MSL2: variants seen among roughly 807,000 people sequenced by gnomAD.
MSL2 encodes MSL complex subunit 2, also known as E3 ubiquitin-protein ligase MSL2.
MSL2 carries 2 observed loss-of-function variants against 35.8 expected under a neutral mutation model. That is an observed-to-expected ratio of 0.06 (90% CI 0.02 to 0.18). The LOEUF is 0.18. Among genes scored for constraint, MSL2 ranks in the 10% least tolerant of loss-of-function variants. The pLI is 1.00. For synonymous variants in MSL2, 296 were observed against 255.7 expected, an observed-to-expected ratio of 1.16 and a Z score of -1.50; for missense variants, 523 against 706.7, an observed-to-expected ratio of 0.74 and a Z score of 2.95.
chr3:136,194,385 A>G (rs982304467), intron 1 of MSL2: 3 of 983,252 alleles, frequency 3.1e-6, no homozygotes, highest in African/African-American at 1.7e-5. Context: ...GTGGTAAGTA[A>G]AAGTCTCACC....
At chr3:136,154,956 TC>T (rs1272767018) in intron 1 of MSL2, among the ~76,000 whole-genome samples, 3 of 152,100 alleles carry the variant, frequency 2.0e-5, no homozygotes, top group Non-Finnish European at 4.4e-5. Context: ...CAACTGCAAA[TC>T]CCAGCACTTT....
intron 1 of MSL2, among the ~76,000 whole-genome samples, chr3:136,160,486 G>A (rs547658494): frequency 4.7e-5 from 7 of 149,848 alleles, no homozygotes; most frequent in South Asian, 2.1e-4. Context: ...TCGGAAGGCC[G>A]AGGCGGGCAG....
At chr3:136,158,548 G>A (rs1170132549) in intron 1 of MSL2, among the ~76,000 whole-genome samples, 2 of 152,002 alleles carry the variant, frequency 1.3e-5, no homozygotes, top group African/African-American at 2.4e-5. Flanking sequence ...CCAAAGATCA[G>A]GAACAAGGAA....
In MSL2 at chr3:136,172,411, C is replaced by A. The variant is rs145878741; in HGVS notation, c.143-19673G>T. ...ATACCTAATGTTATTTATACCCTCT[C>A]TCTCACTTCCACCTTCAACCTTCCT... is the stretch of plus-strand genomic sequence containing the variant. On this transcript the variant is annotated intron_variant, in intron 1 of 1. Transcript: ENST00000309993. Among the ~76,000 whole-genome samples the A allele has an allele frequency of 1.6e-3, 238 of 152,250 alleles. 1 individual carries two copies. Among genetic ancestry groups the A allele is most frequent in the African/African-American group, 5.3e-3 (221 of 41,542 alleles).
At chr3:136,168,007 C>G (rs1460360931) in intron 1 of MSL2, among the ~76,000 whole-genome samples, 1 of 152,082 alleles carries the variant, frequency 6.6e-6, no homozygotes, top group East Asian at 1.9e-4. Flanking sequence ...TGCTTTACAT[C>G]AGAGCCTAAA....
chr3:136,177,288 T>C (rs1940203330), intron 1 of MSL2, among the ~76,000 whole-genome samples: 1 of 152,242 alleles, frequency 6.6e-6, no homozygotes, highest in African/African-American at 2.4e-5. Context: ...CTTTAAAATA[T>C]CTAGCACAAA....
chr3:136,195,089 G>C lies in MSL2; in HGVS notation c.25C>G (p.Leu9Val). 1 of 1,613,058 alleles carries C rather than the reference G, an allele frequency of 6.2e-7. No individual in the cohort carries two copies. Among genetic ancestry groups the C allele is most frequent in the Non-Finnish European group, 8.5e-7 (1 of 1,179,746 alleles). ...ACTAGGCGGCTCGCGGAAATGTAGAGAGCAGTAGCATTCACGGGGTTCATT... is the reference window on the plus strand; with the variant it reads ...ACTAGGCGGCTCGCGGAAATGTAGACAGCAGTAGCATTCACGGGGTTCATT... MNPVNATA[L>V]YISASRLVLN... The change falls in exon 1 of 2, where the codon CTC becomes GTC. Residue 9 changes from leucine to valine, a missense_variant. Leu to Val is a conservative substitution (Grantham distance 32). Coordinates refer to ENST00000309993, the MANE Select transcript of MSL2 (RefSeq NM_018133.4).
At chr3:136,180,028 G>A (rs1940294555) in intron 1 of MSL2, among the ~76,000 whole-genome samples, 1 of 151,930 alleles carries the variant, frequency 6.6e-6, no homozygotes, top group African/African-American at 2.4e-5. Flanking sequence ...TCCCTCCACT[G>A]CACTCCAGCT....
At chr3:136,157,380 T>C (rs1939564860) in intron 1 of MSL2, among the ~76,000 whole-genome samples, 1 of 152,138 alleles carries the variant, frequency 6.6e-6, no homozygotes, top group South Asian at 2.1e-4. Flanking sequence ...GGTGAACACC[T>C]GTAATCCCAG....
chr3:136,186,418 A>G (rs1460804122), intron 1 of MSL2, among the ~76,000 whole-genome samples: 1 of 152,216 alleles, frequency 6.6e-6, no homozygotes, highest in African/African-American at 2.4e-5. Context: ...GGTTATGGAC[A>G]GGCTCCGGTC....
rs551470437 is a variant in MSL2, at chr3:136,190,890, G to C, written c.142+4082C>G. ...CAGTTTCTGTGGCCTAGAAAGTACAGTAATTCTCTACAGCAAGGCTATCCC... is the reference window on the plus strand; with the variant it reads ...CAGTTTCTGTGGCCTAGAAAGTACACTAATTCTCTACAGCAAGGCTATCCC... On this transcript the variant is annotated intron_variant, in intron 1 of 1. Coordinates refer to ENST00000309993, the MANE Select transcript of MSL2 (RefSeq NM_018133.4). Among the ~76,000 whole-genome samples, 191 of 152,300 alleles carry C rather than the reference G, an allele frequency of 1.3e-3. 2 individuals are homozygous for C. Among genetic ancestry groups the C allele is most frequent in the Non-Finnish European group, 2.1e-3 (145 of 68,036 alleles).
intron 1 of MSL2, among the ~76,000 whole-genome samples, chr3:136,193,266 T>A (rs1414564995): frequency 6.6e-6 from 1 of 152,280 alleles, no homozygotes; most frequent in Non-Finnish European, 1.5e-5. Flanking sequence ...TTAAAACCTC[T>A]GAGGTTCTTA....
At position 136,152,679 on chromosome 3, in the gene MSL2, T is replaced by A. The variant is rs1378733580; in HGVS notation, c.202A>T (p.Lys68Ter). Residue 68 changes from lysine to a stop codon, truncating the protein, a stop_gained, in exon 2 of 2, where the codon AAA (lysine) becomes TAA (stop). Transcript: ENST00000309993. LOFTEE classifies it high-confidence loss of function. ...ATCATTTTCTTGCCTTTACAAGTTTTGCAGACATAATGTTGGCAGGTGGAG... is the reference window on the plus strand; with the variant it reads ...ATCATTTTCTTGCCTTTACAAGTTTAGCAGACATAATGTTGGCAGGTGGAG... ...TNSTCQHYVCKTCKGKKMMMK... is the reference protein window; with the variant it reads ...TNSTCQHYVC The A allele has an allele frequency of 6.2e-7, 1 of 1,614,226 alleles. No individual in the cohort carries two copies. Among genetic ancestry groups the A allele is most frequent in the Non-Finnish European group, 8.5e-7 (1 of 1,180,044 alleles).
At chr3:136,184,259 G>A (rs1940448009) in intron 1 of MSL2, among the ~76,000 whole-genome samples, 1 of 151,970 alleles carries the variant, frequency 6.6e-6, no homozygotes, top group South Asian at 2.1e-4. Flanking sequence ...TGGTGCCACT[G>A]CACTTTAACC....
intron 1 of MSL2, among the ~76,000 whole-genome samples, chr3:136,191,506 A>G (rs1374014667): frequency 1.3e-5 from 2 of 150,354 alleles, no homozygotes; most frequent in African/African-American, 4.9e-5. Context: ...GCCAGGAGCC[A>G]CAGTGGCTTA....
At position 136,160,658 on chromosome 3, in the gene MSL2, G is replaced by A. The variant is rs144579979; in HGVS notation, c.143-7920C>T. On this transcript the variant is annotated intron_variant, in intron 1 of 1. Coordinates refer to ENST00000309993, the MANE Select transcript of MSL2 (RefSeq NM_018133.4). ...TCAGGAGGCGGAGGTGCAGCGAGCC[G>A]AGACCATGCCATTGCACTCCAGCCT... is the stretch of plus-strand genomic sequence containing the variant. 7.7e-3 allele frequency among the ~76,000 whole-genome samples: 1,145 copies of A among 149,530 alleles called. 18 individuals carry two copies. The highest frequency in any genetic ancestry group is 0.026 in the African/African-American group (1,073 of 40,664).
At chr3:136,165,256 C>G (rs1013125488) in intron 1 of MSL2, among the ~76,000 whole-genome samples, 7 of 150,562 alleles carry the variant, frequency 4.6e-5, no homozygotes, top group African/African-American at 1.7e-4. Flanking sequence ...ACCTTATCTG[C>G]AATATTTCAC....
At chr3:136,189,542 G>A (rs1194070433) in intron 1 of MSL2, among the ~76,000 whole-genome samples, 1 of 150,202 alleles carries the variant, frequency 6.7e-6, no homozygotes, top group African/African-American at 2.5e-5. Context: ...GGCTAACACA[G>A]TGAAACCCCT....
At chr3:136,161,753 C>G (rs1939712238) in intron 1 of MSL2, among the ~76,000 whole-genome samples, 1 of 151,992 alleles carries the variant, frequency 6.6e-6, no homozygotes, top group African/African-American at 2.4e-5. Flanking sequence ...TGAAAGTGTT[C>G]TAAAATCAGA....
Sources: allele counts gnomAD v4.1 joint callset (sites outside exome capture counted in the v4.1 genomes callset), GRCh38; gene constraint gnomAD v4.1.1; transcripts MANE v1.5; gene names NCBI Gene and HGNC (gene_info 2026-07-23, HGNC 2026-07-21).